Variants in SLC4A8 observed in about 807,000 individuals in gnomAD.
SLC4A8 encodes solute carrier family 4 member 8, also known as electroneutral sodium bicarbonate exchanger 1.
A neutral mutation model predicts 125.0 loss-of-function variants in SLC4A8; 40 were observed. That is an observed-to-expected ratio of 0.32 (90% CI 0.25 to 0.42). SLC4A8 has a LOEUF of 0.42. Among genes scored for constraint, SLC4A8 ranks in the 10% least tolerant of loss-of-function variants. The pLI is 1.00. For synonymous variants in SLC4A8, 456 were observed against 476.0 expected, an observed-to-expected ratio of 0.96 and a Z score of 0.55; for missense variants, 863 against 1,355.1, an observed-to-expected ratio of 0.64 and a Z score of 5.70.
intron 6 of SLC4A8, among the ~76,000 whole-genome samples, 171 bp downstream of exon 6, chr12:51,457,710 A>G (rs897985662): frequency 6.6e-6 from 1 of 152,106 alleles, no homozygotes; most frequent in South Asian, 2.1e-4. Flanking sequence ...ACTGGTGCTC[A>G]TCTCTCTCTC....
chr12:51,501,806 A>G (rs1937897071), intron 22 of SLC4A8: 1 of 152,206 alleles, frequency 6.6e-6, no homozygotes, highest in Non-Finnish European at 1.5e-5. Context: ...CTCCACAACC[A>G]TGCCAAAGTC....
intron 1 of SLC4A8, among the ~76,000 whole-genome samples, chr12:51,410,010 C>T (rs1289870246): frequency 8.5e-5 from 13 of 152,210 alleles, no homozygotes; most frequent in Non-Finnish European, 1.9e-4. Context: ...GCCTGGTTGG[C>T]GTCAGTCTGA....
chr12:51,438,184 A>G (rs182583115), intron 1 of SLC4A8, among the ~76,000 whole-genome samples: 43 of 152,352 alleles, frequency 2.8e-4, no homozygotes, highest in African/African-American at 9.6e-4. Flanking sequence ...TTGAAACTCT[A>G]TATTATAGTC....
intron 11 of SLC4A8, among the ~76,000 whole-genome samples, chr12:51,468,153 C>T (rs1950578500): frequency 6.6e-6 from 1 of 152,200 alleles, no homozygotes; most frequent in Non-Finnish European, 1.5e-5. Flanking sequence ...TGACAGCCCT[C>T]ACCCTGGTGC....
chr12:51,468,997 A>G (rs1282798449), intron 11 of SLC4A8: 3 of 152,626 alleles, frequency 2.0e-5, no homozygotes, highest in Admixed American at 6.5e-5. Context: ...TCCCTGCTCT[A>G]TGCCACCATA....
rs1366979015 is a variant in SLC4A8, at chr12:51,433,870, T to G, written c.49-6838T>G. On this transcript the variant is annotated intron_variant, in intron 1 of 24. Coordinates refer to ENST00000453097, the MANE Select transcript of SLC4A8 (RefSeq NM_001039960.3). ...CCATCTGTTTTTTTTTTTTTTTTTT[T>G]TTTTTTTTGGTTGGTTTTTTTTTGA... Among the ~76,000 whole-genome samples, 58 of 45,138 alleles carry G rather than the reference T, an allele frequency of 1.3e-3. 1 individual carries two copies. The highest frequency in any genetic ancestry group is 1.9e-3 in the Non-Finnish European group (29 of 15,100). 29.6% of individuals were successfully genotyped at this position (45,138 alleles called of 152,430 possible).
chr12:51,449,983 C>G (rs1949909885), intron 2 of SLC4A8, among the ~76,000 whole-genome samples: 1 of 152,078 alleles, frequency 6.6e-6, no homozygotes, highest in Non-Finnish European at 1.5e-5. Flanking sequence ...AAGATATGAC[C>G]AGGCTACTGC....
rs1951149728 is a variant in SLC4A8 at position 51,485,836 on chromosome 12, T to G, written c.2222T>G (p.Met741Arg). Residue 741 changes from methionine to arginine, a missense_variant, in exon 17 of 25, where the codon ATG becomes AGG. Met to Arg is a moderately conservative substitution (Grantham distance 91, BLOSUM62 -1). This residue lies in a region of SLC4A8 where 197 missense variants were observed against 377.7 expected (regional missense o/e 0.52). Coordinates refer to ENST00000453097, the MANE Select transcript of SLC4A8 (RefSeq NM_001039960.3). ...DFAVFLTIFT[M>R]VIIDFLIGVP... The stretch of plus-strand genomic sequence containing the variant: ...GCTGTTTTCCTCACTATCTTCACAA[T>G]GGTGATTATTGATTTTTTGATTGGA... 6.2e-7 allele frequency: 1 copy of G among 1,613,710 alleles called. No individual in the cohort carries two copies. The highest frequency in any genetic ancestry group is 1.7e-5 in the Admixed American group (1 of 60,004).
chr12:51,459,474 G>A (rs550112585), intron 7 of SLC4A8, among the ~76,000 whole-genome samples: 1 of 151,660 alleles, frequency 6.6e-6, no homozygotes, highest in East Asian at 1.9e-4. Flanking sequence ...TAAGTGGGAC[G>A]AATACAATCT....
At chr12:51,482,738 G>A (rs769484146) in intron 16 of SLC4A8, among the ~76,000 whole-genome samples, 1 of 152,168 alleles carries the variant, frequency 6.6e-6, no homozygotes, top group Admixed American at 6.5e-5. Context: ...GGGGTAGGCA[G>A]TGAAATACCA....
At chr12:51,436,079 A>T (rs966057778) in intron 1 of SLC4A8, among the ~76,000 whole-genome samples, 1 of 152,216 alleles carries the variant, frequency 6.6e-6, no homozygotes, top group Non-Finnish European at 1.5e-5. Flanking sequence ...TGATACTTCC[A>T]ATTCAATTTA....
intron 5 of SLC4A8, 21 bp from the exon 6 acceptor site, chr12:51,457,330 A>G: frequency 6.2e-7 from 1 of 1,609,800 alleles, no homozygotes; most frequent in Non-Finnish European, 8.5e-7. Flanking sequence ...CTGAGTGTTC[A>G]TGTGAGTGCC....
At chr12:51,466,236 A>C (rs748705273) in intron 11 of SLC4A8, among the ~76,000 whole-genome samples, 1 of 152,170 alleles carries the variant, frequency 6.6e-6, no homozygotes, top group Non-Finnish European at 1.5e-5. Context: ...AGAAGGAAAT[A>C]TGACTAGAGT....
chr12:51,424,993 G>A lies in SLC4A8; in HGVS notation c.6G>A (p.Pro2=), dbSNP rs370607965. 73 of 1,554,546 alleles carry A rather than the reference G, an allele frequency of 4.7e-5. No homozygotes were observed. Among genetic ancestry groups the A allele is most frequent in the Non-Finnish European group, 5.6e-5 (64 of 1,149,566 alleles). M[P]AAGSNEPDGV... ...AGACCTAGTTCGGCTCCGCCATGCC[G>A]GCCGCCGGGAGTAACGAGCCGGACG... Residue 2 remains proline, a synonymous_variant, in exon 1 of 25, where the codon CCG becomes CCA. Coordinates refer to ENST00000453097, the MANE Select transcript of SLC4A8 (RefSeq NM_001039960.3).
chr12:51,424,943 A>ATGCT lies in SLC4A8; in HGVS notation c.-42_-39dup. ...CCCGACCAGAGGGCGCGGGCTGCTG[A>ATGCT]TGCTTGGCTTGGAGCCCGTGGGGGA... On this transcript the variant is annotated 5_prime_UTR_variant, in exon 1 of 25. An upstream open reading frame in the 5' UTR loses its in-frame stop. Coordinates refer to ENST00000453097, the MANE Select transcript of SLC4A8 (RefSeq NM_001039960.3). The ATGCT allele has an allele frequency of 6.5e-7, 1 of 1,547,956 alleles. No homozygotes were observed. Among genetic ancestry groups the ATGCT allele is most frequent in the Non-Finnish European group, 8.7e-7 (1 of 1,145,008 alleles).
At chr12:51,437,916 T>C (rs905323605) in intron 1 of SLC4A8, among the ~76,000 whole-genome samples, 3 of 152,206 alleles carry the variant, frequency 2.0e-5, no homozygotes, top group Non-Finnish European at 2.9e-5. Context: ...AGAGTTTTTT[T>C]GAAATAATTC....
intron 16 of SLC4A8, among the ~76,000 whole-genome samples, chr12:51,477,000 C>T (rs982445587): frequency 2.0e-5 from 3 of 150,918 alleles, no homozygotes; most frequent in Admixed American, 6.6e-5. Flanking sequence ...CTCTGCCTCC[C>T]GGGTTCAAGT....
intron 7 of SLC4A8, 93 bp from the exon 8 acceptor site, chr12:51,459,858 G>C: frequency 9.0e-7 from 1 of 1,107,838 alleles, no homozygotes; most frequent in South Asian, 1.5e-5. Context: ...GATGTAGTGA[G>C]ACTCTGTCTC....
At chr12:51,474,820 G>A (rs573257730) in intron 15 of SLC4A8, among the ~76,000 whole-genome samples, 116 of 152,280 alleles carry the variant, frequency 7.6e-4, no homozygotes, top group African/African-American at 2.6e-3. Flanking sequence ...CTTGGAAGTA[G>A]TATTGTTCAG....
Sources: allele counts gnomAD v4.1 joint callset (sites outside exome capture counted in the v4.1 genomes callset), GRCh38; gene constraint gnomAD v4.1.1; regional missense constraint gnomAD v4.1.1; transcripts MANE v1.5; gene names NCBI Gene and HGNC (gene_info 2026-07-23, HGNC 2026-07-21).